ASS1: variants seen among roughly 807,000 people sequenced by gnomAD.
ASS1 encodes argininosuccinate synthase.
A neutral mutation model predicts 60.5 loss-of-function variants in ASS1; 58 were observed. That is an observed-to-expected ratio of 0.96 (90% CI 0.78 to 1.19). The LOEUF (loss-of-function observed/expected upper bound fraction) is 1.19. Ranked by LOEUF, ASS1 falls within the 50% of genes most tolerant of loss-of-function variation. The pLI is 0.00. For missense variants in ASS1, 454 were observed against 547.3 expected (o/e 0.83, Z 1.70); for synonymous variants, 200 against 206.9 (o/e 0.97, Z 0.29).
In ASS1 at chr9:130,472,542, C is replaced by T. The variant is rs551430780; in HGVS notation, c.597+1027C>T. ...AGGCCCGGGCACCGGCTGCTCAGGG[C>T]GAGGGAACGGGCCCTGGGGCTGGTG... On this transcript the variant is annotated intron_variant, in intron 8 of 14. Coordinates refer to ENST00000352480, the MANE Select transcript of ASS1 (RefSeq NM_054012.4). 2.8e-3 allele frequency among the ~76,000 whole-genome samples: 432 copies of T among 152,272 alleles called. 1 individual carries two copies. The highest frequency in any genetic ancestry group is 6.6e-3 in the Admixed American group (101 of 15,308).
intron 14 of ASS1, 80 bp downstream of exon 14, chr9:130,499,650 G>T (rs1171415157): frequency 1.7e-5 from 24 of 1,442,660 alleles, no homozygotes; most frequent in Non-Finnish European, 2.1e-5. Flanking sequence ...AGGTGTAAAG[G>T]GTAGGCTTTG....
At chr9:130,479,580 T>C in intron 9 of ASS1, 136 bp from the exon 10 acceptor site, 1 of 758,958 alleles carries the variant, frequency 1.3e-6, no homozygotes, top group Non-Finnish European at 2.4e-6. Flanking sequence ...ACAGGGCTTT[T>C]GAAGGAGTCA....
chr9:130,484,043 G>A (rs1846238893), intron 11 of ASS1, among the ~76,000 whole-genome samples: 1 of 152,128 alleles, frequency 6.6e-6, no homozygotes, highest in Admixed American at 6.5e-5. Flanking sequence ...CACCCAGGAT[G>A]GGGCCCGCCA....
At chr9:130,455,710 C>A (rs1194733181) in intron 3 of ASS1, among the ~76,000 whole-genome samples, 1 of 152,270 alleles carries the variant, frequency 6.6e-6, no homozygotes, top group Non-Finnish European at 1.5e-5. Flanking sequence ...GAAGCCCTTG[C>A]CACTTGTGCC....
intron 8 of ASS1, among the ~76,000 whole-genome samples, chr9:130,475,663 C>A (rs963175867): frequency 6.6e-6 from 1 of 151,740 alleles, no homozygotes; most frequent in Non-Finnish European, 1.5e-5. Context: ...GGGGTAAGAG[C>A]GCTTGACCTT....
intron 8 of ASS1, among the ~76,000 whole-genome samples, chr9:130,475,961 G>A (rs539187590): frequency 5.9e-5 from 9 of 152,220 alleles, no homozygotes; most frequent in South Asian, 4.2e-4. Flanking sequence ...GTTTCACCGC[G>A]TTGCCCAGGC....
intron 1 of ASS1, among the ~76,000 whole-genome samples, chr9:130,446,986 G>A (rs1328882454): frequency 2.0e-5 from 3 of 152,234 alleles, no homozygotes; most frequent in Non-Finnish European, 1.5e-5. Flanking sequence ...TGAGTGGAAC[G>A]AATGAATGAA....
In ASS1 at chr9:130,477,372, C is replaced by T. The variant is rs1235032761; in HGVS notation, c.688+411C>T. ...CCCTGGGCCCTGACCCCGGAAGGTG[C>T]TCAGTAAACGGTGAGTGTTGGCGAG... is the stretch of plus-strand genomic sequence containing the variant. On this transcript the variant is annotated intron_variant, in intron 9 of 14. Coordinates refer to ENST00000352480, the MANE Select transcript of ASS1 (RefSeq NM_054012.4). The surrounding 1 kb of genome is among the most constrained non-coding windows in gnomAD (Gnocchi z 4.2). 1.3e-5 allele frequency among the ~76,000 whole-genome samples: 2 copies of T among 152,218 alleles called. No individual in the cohort carries two copies. The highest frequency in any genetic ancestry group is 2.9e-5 in the Non-Finnish European group (2 of 68,038).
At chr9:130,499,671 G>C in intron 14 of ASS1, 101 bp downstream of exon 14, 1 of 1,255,622 alleles carries the variant, frequency 8.0e-7, no homozygotes, top group Non-Finnish European at 1.1e-6. Flanking sequence ...ATGCGACCTT[G>C]ACTGCTGCCC....
At position 130,458,506 on chromosome 9, in the gene ASS1, G is replaced by T; in HGVS notation, c.280G>T (p.Ala94Ser). 6.2e-7 allele frequency: 1 copy of T among 1,612,918 alleles called. No individual in the cohort carries two copies. The highest frequency in any genetic ancestry group is 1.3e-5 in the African/African-American group (1 of 75,010). ...CCGCTACCTCCTGGGCACCTCTCTT[G>T]CCAGGCCCTGCATCGCCCGCAAACA... The part of the protein sequence containing the change: ...EDRYLLGTSL[A>S]RPCIARKQVE... Residue 94 changes from alanine (A) to serine (S), a missense_variant, in exon 4 of 15, where the codon GCC (alanine) becomes TCC (serine). Ala to Ser is a moderately conservative substitution (Grantham distance 99). Coordinates refer to ENST00000352480, the MANE Select transcript of ASS1 (RefSeq NM_054012.4).
chr9:130,469,547 A>T lies in ASS1; in HGVS notation c.496-1287A>T, dbSNP rs557129434. 2.0e-5 allele frequency among the ~76,000 whole-genome samples: 3 copies of T among 152,170 alleles called. No individual in the cohort carries two copies. The South Asian group carries it at 6.2e-4, about 32-fold the overall frequency. ...TACCTCAGTCTCCCAAGTAGCTGGG[A>T]CTACAGGCGCCTGCCACCATGCCAG... On this transcript the variant is annotated intron_variant, in intron 6 of 14. Transcript: ENST00000352480.
At chr9:130,499,858 G>T (rs909917820) in intron 14 of ASS1, among the ~76,000 whole-genome samples, 1 of 152,184 alleles carries the variant, frequency 6.6e-6, no homozygotes, top group East Asian at 1.9e-4. Flanking sequence ...CTAAGCCACA[G>T]GGACTCCACT....
At position 130,488,199 on chromosome 9, in the gene ASS1, A is replaced by G. The variant is rs72763030; in HGVS notation, c.839-1134A>G. The stretch of plus-strand genomic sequence containing the variant: ...TGCTGCTATGAACATGAGTGTACAA[A>G]TCCTTTCTGGGTTTTTTTCAAGCAG... On this transcript the variant is annotated intron_variant, in intron 11 of 14. Transcript: ENST00000352480. The surrounding 1 kb of genome is among the most constrained non-coding windows in gnomAD (Gnocchi z 5.2). 0.063 allele frequency among the ~76,000 whole-genome samples: 9,406 copies of G among 150,110 alleles called. 421 individuals are homozygous for G. The highest frequency in any genetic ancestry group is 0.1 in the Non-Finnish European group (6,853 of 67,524).
At chr9:130,449,342 GAAAAAAAAAA>G (rs55853169) in intron 1 of ASS1, among the ~76,000 whole-genome samples, 1 of 91,538 alleles carries the variant, frequency 1.1e-5, no homozygotes, top group Admixed American at 1.4e-4. Context: ...GACCCTGTCT[GAAAAAAAAAA>G]AAAAAAAAAA....
At chr9:130,466,402 A>G in intron 5 of ASS1, 3 of 431,354 alleles carry the variant, frequency 7.0e-6, no homozygotes, top group South Asian at 2.2e-5. Flanking sequence ...AGGTGCTGGC[A>G]AGGACCATGA....
At chr9:130,492,071 A>C (rs188603513) in intron 12 of ASS1, among the ~76,000 whole-genome samples, 2 of 152,316 alleles carry the variant, frequency 1.3e-5, no homozygotes, top group African/African-American at 4.8e-5. Flanking sequence ...TGAGGACTAA[A>C]AGTATGAGTA....
chr9:130,475,456 G>GC (rs2131891243), intron 8 of ASS1, among the ~76,000 whole-genome samples: 1 of 152,274 alleles, frequency 6.6e-6, no homozygotes, highest in African/African-American at 2.4e-5. Flanking sequence ...CTTCCCCAAG[G>GC]CCCCCCAGCC....
rs35568745 is a variant in ASS1 at position 130,475,741 on chromosome 9, G to GTT, written c.598-1111_598-1110dup. 6.0e-3 allele frequency among the ~76,000 whole-genome samples: 609 copies of GTT among 101,354 alleles called. 11 individuals are homozygous for GTT. The highest frequency in any genetic ancestry group is 8.6e-3 in the Non-Finnish European group (437 of 50,718). The allele number at this position is 101,354 out of a possible 152,430, so 66.5% of individuals were successfully genotyped here. ...AGCAATACGTGAATGTGTGCAAGGT[G>GTT]TTTTTTTTTTTTTTTTTTTTGGTGG... On this transcript the variant is annotated intron_variant, in intron 8 of 14. Coordinates refer to ENST00000352480, the MANE Select transcript of ASS1 (RefSeq NM_054012.4).
chr9:130,452,226 G>C lies in ASS1; in HGVS notation c.-3G>C. The C allele has an allele frequency of 6.2e-7, 1 of 1,613,982 alleles. No individual in the cohort carries two copies. The highest frequency in any genetic ancestry group is 8.5e-7 in the Non-Finnish European group (1 of 1,179,908). ...GGTTGTTCCTCGACTCCCGCCAGAC[G>C]CTATGTCCAGCAAAGGCTCCGTGGT... On this transcript the variant is annotated splice_region_variant and 5_prime_UTR_variant, in exon 2 of 15. Coordinates refer to ENST00000352480, the MANE Select transcript of ASS1 (RefSeq NM_054012.4).
Sources: allele counts gnomAD v4.1 joint callset (sites outside exome capture counted in the v4.1 genomes callset), GRCh38; gene constraint gnomAD v4.1.1; non-coding constraint Gnocchi (gnomAD v3.1); transcripts MANE v1.5; gene names NCBI Gene and HGNC (gene_info 2026-07-23, HGNC 2026-07-21).